Variants in PES1 observed in about 807,000 individuals in gnomAD.
PES1 encodes the protein pescadillo homolog.
A neutral mutation model predicts 77.1 loss-of-function variants in PES1; 31 were observed. The observed-to-expected ratio is 0.40, with a 90% confidence interval of 0.30 to 0.54. The LOEUF (loss-of-function observed/expected upper bound fraction) is 0.54, where lower values mean the gene tolerates loss of function less well. PES1 is among the 20% of genes least tolerant of loss of function. PES1 has a pLI of 0.45. For missense variants in PES1, 658 were observed against 771.7 expected (o/e 0.85, Z 1.75); for synonymous variants, 282 against 303.0 (o/e 0.93, Z 0.72).
chr22:30,585,138 C>T (rs1447334985), intron 4 of PES1: 18 of 405,852 alleles, frequency 4.4e-5, no homozygotes, highest in Admixed American at 2.9e-4. Context: ...GAGCAGGGAG[C>T]GGGGTGGGGG....
At chr22:30,589,096 A>G in intron 2 of PES1, 95 bp downstream of exon 2, 2 of 862,120 alleles carry the variant, frequency 2.3e-6, no homozygotes, top group Non-Finnish European at 1.9e-6. Flanking sequence ...CCAGAACCCC[A>G]GAATGGGTAT....
At chr22:30,580,470 G>A in intron 10 of PES1, 101 bp downstream of exon 10, 1 of 1,466,474 alleles carries the variant, frequency 6.8e-7, no homozygotes, top group South Asian at 1.2e-5. Context: ...ATAAGAAGTG[G>A]AAACTGACAC....
At chr22:30,592,597 G>A (rs2087200081), upstream of PES1, among the ~76,000 whole-genome samples, 1 of 152,184 alleles carries the variant, frequency 6.6e-6, no homozygotes, top group South Asian at 2.1e-4. Flanking sequence ...AGGAGTTCGA[G>A]ACCAGTGTGA....
At chr22:30,602,268 C>T (rs1361393570) in intron 2 of PES1, among the ~76,000 whole-genome samples, 2 of 152,096 alleles carry the variant, frequency 1.3e-5, no homozygotes, top group Non-Finnish European at 1.5e-5. Context: ...GGCACTTTCT[C>T]AATCTCTCTA....
chr22:30,587,078 C>T, intron 4 of PES1: 1 of 548,832 alleles, frequency 1.8e-6, no homozygotes. Flanking sequence ...AAACGTCTCC[C>T]TTCAGAGACC....
At chr22:30,591,943 T>C, upstream of PES1, 5 of 1,449,802 alleles carry the variant, frequency 3.4e-6, no homozygotes, top group Non-Finnish European at 4.5e-6. Flanking sequence ...CGCTGTCTGT[T>C]TGTGCGGGCT....
intron 6 of PES1, among the ~76,000 whole-genome samples, chr22:30,583,519 A>AG: frequency 6.6e-6 from 1 of 152,366 alleles, no homozygotes; most frequent in East Asian, 1.9e-4. Flanking sequence ...CCACCAGCAC[A>AG]GGGAGGCAGG....
intron 2 of PES1, among the ~76,000 whole-genome samples, chr22:30,600,178 A>C (rs2087333182): frequency 7.0e-6 from 1 of 142,810 alleles, no homozygotes; most frequent in Non-Finnish European, 1.6e-5. Flanking sequence ...ACTAAAACAT[A>C]AAAAAATTAG....
chr22:30,605,224 C>T (rs2087420172), intron 2 of PES1, among the ~76,000 whole-genome samples: 1 of 152,182 alleles, frequency 6.6e-6, no homozygotes, highest in Non-Finnish European at 1.5e-5. Flanking sequence ...TGGTCTCAAA[C>T]TTGTGGGCTC....
upstream of PES1, among the ~76,000 whole-genome samples, chr22:30,596,078 G>T (rs75641972): frequency 0.071 from 10,873 of 152,208 alleles, 536 homozygotes; most frequent in Admixed American, 0.11. Context: ...TTTTTAAACT[G>T]GTGGGCAAAT....
At position 30,580,675 on chromosome 22, in the gene PES1, G is replaced by C. The variant is rs763766110; in HGVS notation, c.939C>G (p.Arg313=). 1 of 1,613,414 alleles carries C rather than the reference G, an allele frequency of 6.2e-7. No individual in the cohort carries two copies. The highest frequency in any genetic ancestry group is 1.7e-5 in the Admixed American group (1 of 60,020). Residue 313 remains arginine, a synonymous_variant, in exon 10 of 15, where the codon CGC becomes CGG. Coordinates refer to ENST00000354694, the MANE Select transcript of PES1 (RefSeq NM_014303.4). ...DGEMSAQEED[R]RKELEAQEKH... ...TCTCCTGCGCCTCCAGCTCCTTCCT[G>C]CGGTCTTCCTCCTGCGCTGACATCT...
chr22:30,603,045 G>A lies in PES1; in HGVS notation c.-661+2416C>T, dbSNP rs143895747. Among the ~76,000 whole-genome samples, 579 of 152,040 alleles carry A rather than the reference G, an allele frequency of 3.8e-3. 6 individuals are homozygous for A. The highest frequency in any genetic ancestry group is 0.017 in the Middle Eastern group (5 of 294). On this transcript the variant is annotated intron_variant, in intron 2 of 16. Transcript: ENST00000402281. ...CCAGCCTCAGACTCCCAAGTAGCTG[G>A]GACTACAGGAGCCCACCACCAGGCG...
chr22:30,587,288 T>A lies in PES1; in HGVS notation c.366A>T (p.Glu122Asp). 6.2e-7 allele frequency: 1 copy of A among 1,605,802 alleles called. No homozygotes were observed. The highest frequency in any genetic ancestry group is 8.5e-7 in the Non-Finnish European group (1 of 1,173,018). Residue 122 changes from glutamate (E) to aspartate (D), a missense_variant and splice_region_variant, in exon 4 of 15, where the codon GAA becomes GAT. Physicochemically the swap from Glu to Asp is conservative, Grantham distance 45. Transcript: ENST00000354694. ...PNYKLDHIIK[E>D]RYPTFIDALR... The stretch of plus-strand genomic sequence containing the variant: ...GTCCTGAGGAAAGCCCGGCTCACCG[T>A]TCCTTGATGATGTGGTCGAGTTTGT...
In PES1 at chr22:30,579,933, C is replaced by A. The variant is rs1216621898; in HGVS notation, c.1172G>T (p.Cys391Phe). 1.2e-6 allele frequency: 2 copies of A among 1,613,260 alleles called. No individual in the cohort carries two copies. The highest frequency in any genetic ancestry group is 2.2e-5 in the South Asian group (2 of 91,072). ...PGQQTSVIGR[C>F]YVQPQWVFDS... ...AAACACCCACTGGGGCTGCACGTAG[C>A]ACCTGGCGCAGAGTGGCAGGCAAAA... The change falls in exon 12 of 15, where the codon TGC becomes TTC. Residue 391 changes from cysteine to phenylalanine, a missense_variant and splice_region_variant. By Grantham distance (205) the Cys-to-Phe change is radical (BLOSUM62 -2). Transcript: ENST00000354694.
Position 30,580,665 on chromosome 22 carries a change from G to A in PES1, c.949C>T (p.Leu317=). ...SAQEEDRRKE[L]EAQEKHKKLF... ...TTCTTGTGCTTCTCCTGCGCCTCCA[G>A]CTCCTTCCTGCGGTCTTCCTCCTGC... The change falls in exon 10 of 15, where the codon CTG becomes TTG. Residue 317 remains leucine (L), a synonymous_variant. Coordinates refer to ENST00000354694, the MANE Select transcript of PES1 (RefSeq NM_014303.4). 1 of 1,613,486 alleles carries A rather than the reference G, an allele frequency of 6.2e-7. No individual in the cohort carries two copies. Among genetic ancestry groups the A allele is most frequent in the Non-Finnish European group, 8.5e-7 (1 of 1,180,030 alleles).
intron 1 of PES1, among the ~76,000 whole-genome samples, chr22:30,589,700 TA>T (rs2087150134): frequency 6.8e-6 from 1 of 147,920 alleles, no homozygotes; most frequent in Non-Finnish European, 1.5e-5. Context: ...CACAGCTTTT[TA>T]AGAGTTGGGG....
intron 2 of PES1, among the ~76,000 whole-genome samples, chr22:30,598,884 A>ATTTTTTTTTTTTTTTTTTTTT (rs1569031688): frequency 2.2e-5 from 1 of 46,328 alleles, no homozygotes; most frequent in African/African-American, 7.4e-5. Context: ...ACTTAAGTAA[A>ATTTTTTTTTTTTTTTTTTTTT]ATTTTTTTTT....
upstream of PES1, among the ~76,000 whole-genome samples, chr22:30,593,041 G>T (rs2087205938): frequency 6.6e-6 from 1 of 151,598 alleles, no homozygotes; most frequent in Admixed American, 6.6e-5. Flanking sequence ...GTTTAAATTT[G>T]AGGCTCTTGT....
intron 14 of PES1, among the ~76,000 whole-genome samples, chr22:30,578,175 G>A (rs531152306): frequency 1.3e-5 from 2 of 152,148 alleles, no homozygotes; most frequent in East Asian, 1.9e-4. Context: ...CCAGCTACTC[G>A]GGAGGCTGAG....
Sources: gnomAD v4.1 joint callset for allele counts (sites outside exome capture counted in the v4.1 genomes callset) on GRCh38, gnomAD v4.1.1 for gene constraint, MANE v1.5 for transcripts, NCBI Gene and HGNC (gene_info 2026-07-23, HGNC 2026-07-21) for gene names.